PABPC1L: variants seen among roughly 807,000 people sequenced by gnomAD.
The protein encoded by PABPC1L is polyadenylate-binding protein 1-like.
PABPC1L carries 31 observed loss-of-function variants against 66.6 expected under a neutral mutation model. The ratio of observed to expected loss-of-function variants is 0.47; its 90% CI spans 0.35 to 0.63. PABPC1L has a LOEUF of 0.63. Ranked by LOEUF, PABPC1L falls within the 20% of genes least tolerant of loss-of-function variation. PABPC1L has a pLI of 0.00. For missense variants in PABPC1L, 722 were observed against 848.8 expected (o/e 0.85, Z 1.86); for synonymous variants, 348 against 335.1 (o/e 1.04, Z -0.42).
At chr20:44,921,560 G>A in intron 5 of PABPC1L, 34 bp from the exon 6 acceptor site, 1 of 1,611,330 alleles carries the variant, frequency 6.2e-7, no homozygotes, top group Non-Finnish European at 8.5e-7. Flanking sequence ...ACATCTGAGT[G>A]GTTACCAAGC....
rs1284774357 is a variant in PABPC1L at position 44,934,004 on chromosome 20, G to A, written c.1459+819G>A. The stretch of plus-strand genomic sequence containing the variant: ...TGACCTTAGGTGATCCACCAGCCTC[G>A]GCCTCCCAAAGTGCTGGGATTACAG... On this transcript the variant is annotated intron_variant, in intron 10 of 14. Transcript: ENST00000217073. Among the ~76,000 whole-genome samples, 4 of 150,600 alleles carry A rather than the reference G, an allele frequency of 2.7e-5. 1 individual carries two copies. Among genetic ancestry groups the A allele is most frequent in the Admixed American group, 2.0e-4 (3 of 15,146 alleles).
At chr20:44,923,536 G>A (rs974835331) in intron 6 of PABPC1L, among the ~76,000 whole-genome samples, 1 of 152,006 alleles carries the variant, frequency 6.6e-6, no homozygotes, top group African/African-American at 2.4e-5. Flanking sequence ...GGCTGAGGCA[G>A]GAGAATCACT....
rs2066920327 is a variant in PABPC1L, at chr20:44,938,657, C to T, written c.1792-17C>T. ...AAGATAGCTGCACTAAGCCCCCCCG[C>T]CACTCATGTCTCACAGATAGACGAG... On this transcript the variant is annotated splice_polypyrimidine_tract_variant and intron_variant, in intron 13 of 14. Transcript: ENST00000217073. The T allele has an allele frequency of 6.3e-7, 1 of 1,598,226 alleles. No individual in the cohort carries two copies. The highest frequency in any genetic ancestry group is 8.5e-7 in the Non-Finnish European group (1 of 1,172,380).
chr20:44,930,477 C>T lies in PABPC1L; in HGVS notation c.990C>T (p.Gly330=), dbSNP rs1363500459. 3.5e-5 allele frequency: 57 copies of T among 1,613,598 alleles called. No individual in the cohort carries two copies. Among genetic ancestry groups the T allele is most frequent in the Non-Finnish European group, 4.8e-5 (57 of 1,179,702 alleles). Residue 330 remains glycine, a synonymous_variant, in exon 8 of 15, where the codon GGC becomes GGT. Transcript: ENST00000217073. The part of the protein sequence containing the change: ...ITSAKVMTEG[G]HSKGFGFVCF... Reference sequence around the variant, plus strand: ...GCTTTTAGGTGATGACAGAGGGTGGCCACAGCAAGGGGTTTGGCTTTGTGT... The same window carrying T: ...GCTTTTAGGTGATGACAGAGGGTGGTCACAGCAAGGGGTTTGGCTTTGTGT...
At position 44,916,885 on chromosome 20, in the gene PABPC1L, C is replaced by T. The variant is rs1040513295; in HGVS notation, c.503+14C>T. ...TGACCGCAAAGTGTGAGTGGCTGGGCCCGAGGGAGGGGCGGAGGCTGCAGG... is the reference window on the plus strand; with the variant it reads ...TGACCGCAAAGTGTGAGTGGCTGGGTCCGAGGGAGGGGCGGAGGCTGCAGG... On this transcript the variant is annotated intron_variant, in intron 3 of 14. Coordinates refer to ENST00000217073, the MANE Select transcript of PABPC1L (RefSeq NM_001372179.1). The T allele has an allele frequency of 1.9e-6, 3 of 1,611,642 alleles. No homozygotes were observed. The highest frequency in any genetic ancestry group is 2.5e-6 in the Non-Finnish European group (3 of 1,177,974).
chr20:44,932,931 G>A (rs2066872550), intron 9 of PABPC1L, 126 bp from the exon 10 acceptor site: 1 of 627,256 alleles, frequency 1.6e-6, no homozygotes, highest in Non-Finnish European at 2.8e-6. Context: ...TATTTCTGTT[G>A]TGAATGTTGT....
chr20:44,937,341 C>T (rs959932127), intron 12 of PABPC1L, among the ~76,000 whole-genome samples: 1 of 151,400 alleles, frequency 6.6e-6, no homozygotes, highest in African/African-American at 2.4e-5. Flanking sequence ...ACTGAAGGCC[C>T]CCATTACCAC....
At chr20:44,937,976 C>T in intron 12 of PABPC1L, 85 bp from the exon 13 acceptor site, 1 of 1,579,608 alleles carries the variant, frequency 6.3e-7, no homozygotes, top group Non-Finnish European at 8.6e-7. Context: ...ACCCAGATGT[C>T]CTCAGTGCTC....
chr20:44,929,794 C>CAAAAAAAAAA (rs569532056), intron 7 of PABPC1L, among the ~76,000 whole-genome samples: 1 of 101,330 alleles, frequency 9.9e-6, no homozygotes, highest in African/African-American at 3.5e-5. Context: ...AACTATGTCT[C>CAAAAAAAAAA]AAAAAAAAAA....
intron 2 of PABPC1L, among the ~76,000 whole-genome samples, chr20:44,915,799 C>CAA (rs3091602): frequency 2.2e-4 from 25 of 115,446 alleles, no homozygotes; most frequent in East Asian, 7.5e-4. Flanking sequence ...AACTCTATCT[C>CAA]AAAAAAAAAA....
rs1601130834 is a variant in PABPC1L, at chr20:44,939,109, T to A, written c.*7-17T>A. 1.4e-6 allele frequency: 1 copy of A among 717,786 alleles called. No individual in the cohort carries two copies. The highest frequency in any genetic ancestry group is 2.7e-5 in the East Asian group (1 of 37,300). 44.5% of individuals were successfully genotyped at this position (717,786 alleles called of 1,614,324 possible). A position where few individuals can be genotyped will look rare whatever the true frequency, so the allele number is the denominator to read the frequency against. Reference sequence around the variant, plus strand: ...GCCATACTTTAAAAACACTTATTTTTACCTTTTTGTCCTCAGAAAAGGAAA... The same window carrying A: ...GCCATACTTTAAAAACACTTATTTTAACCTTTTTGTCCTCAGAAAAGGAAA... On this transcript the variant is annotated splice_polypyrimidine_tract_variant and intron_variant, in intron 14 of 14. Transcript: ENST00000217073.
intron 8 of PABPC1L, among the ~76,000 whole-genome samples, chr20:44,931,065 C>CTTCCAT (rs1438957243): frequency 2.2e-5 from 1 of 45,108 alleles, no homozygotes; most frequent in African/African-American, 6.9e-5. Context: ...CTTCCCTTCC[C>CTTCCAT]TCCCTCCCTC....
At chr20:44,937,456 C>T (rs986274594) in intron 12 of PABPC1L, among the ~76,000 whole-genome samples, 3 of 152,100 alleles carry the variant, frequency 2.0e-5, no homozygotes, top group Non-Finnish European at 4.4e-5. Context: ...GCTCTGCTGC[C>T]CCGGCTGGAG....
At chr20:44,917,754 C>G (rs188118963) in intron 3 of PABPC1L, among the ~76,000 whole-genome samples, 93 of 152,210 alleles carry the variant, frequency 6.1e-4, no homozygotes, top group Admixed American at 1.1e-3. Context: ...CTGGGGGATG[C>G]ACTGAGAGTC....
At position 44,910,201 on chromosome 20, in the gene PABPC1L, C is replaced by T; in HGVS notation, c.58C>T (p.Pro20Ser). Residue 20 changes from proline to serine, a missense_variant, in exon 1 of 15, where the codon CCC (proline) becomes TCC (serine). By Grantham distance (74) the Pro-to-Ser change is moderately conservative. This residue lies in a region of PABPC1L where 284 missense variants were observed against 294.8 expected (regional missense o/e 0.96). Transcript: ENST00000217073. Reference protein sequence around the residue: ...LASLYVGDLHPDVTEAMLYEK... With the variant: ...LASLYVGDLHSDVTEAMLYEK... ...CTCGCTTTACGTGGGCGATCTGCAC[C>T]CCGACGTGACCGAGGCCATGCTCTA... 2.5e-6 allele frequency: 4 copies of T among 1,580,864 alleles called. No homozygotes were observed. Among genetic ancestry groups the T allele is most frequent in the Non-Finnish European group, 3.4e-6 (4 of 1,163,754 alleles).
At chr20:44,917,947 A>G (rs2066748357) in intron 3 of PABPC1L, among the ~76,000 whole-genome samples, 1 of 152,250 alleles carries the variant, frequency 6.6e-6, no homozygotes, top group South Asian at 2.1e-4. Flanking sequence ...AACGTGCTAT[A>G]GATACCATCA....
chr20:44,925,196 G>A (rs1211165739), intron 7 of PABPC1L, among the ~76,000 whole-genome samples: 1 of 139,196 alleles, frequency 7.2e-6, no homozygotes, highest in African/African-American at 2.7e-5. Flanking sequence ...CTGGGCAACA[G>A]CGAGACTCTG....
intron 6 of PABPC1L, among the ~76,000 whole-genome samples, chr20:44,923,289 G>A (rs532611371): frequency 1.3e-5 from 2 of 152,246 alleles, no homozygotes; most frequent in Non-Finnish European, 2.9e-5. Flanking sequence ...GTAAAACAAG[G>A]ATAAAAGTTT....
chr20:44,919,901 A>G (rs1049987912), intron 5 of PABPC1L, among the ~76,000 whole-genome samples: 2 of 152,224 alleles, frequency 1.3e-5, no homozygotes, highest in African/African-American at 4.8e-5. Context: ...TGATGCTGTC[A>G]TGCCATTATG....
Sources: gnomAD v4.1 joint callset for allele counts (sites outside exome capture counted in the v4.1 genomes callset) on GRCh38, gnomAD v4.1.1 for gene constraint, gnomAD v4.1.1 regional missense constraint, MANE v1.5 for transcripts, NCBI Gene and HGNC (gene_info 2026-07-23, HGNC 2026-07-21) for gene names.